RGPD2: variants seen among roughly 807,000 people sequenced by gnomAD.
RGPD2 encodes RANBP2 like and GRIP domain containing 2, also known as RANBP2-like and GRIP domain-containing protein 2.
A neutral mutation model predicts 36.0 loss-of-function variants in RGPD2; 2 were observed. The observed-to-expected ratio is 0.06, with a 90% CI of 0.02 to 0.17. The LOEUF (loss-of-function observed/expected upper bound fraction) is 0.17. Among genes scored for constraint, RGPD2 ranks in the 10% least tolerant of loss-of-function variants. The pLI, the probability that RGPD2 is intolerant of heterozygous loss-of-function variation, is 1.00. For missense variants in RGPD2, 40 were observed against 464.3 expected (o/e 0.09, Z 8.40); for synonymous variants, 19 against 163.8 (o/e 0.12, Z 6.75).
intron 22 of RGPD2, among the ~76,000 whole-genome samples, chr2:87,769,128 C>T (rs1685034571): frequency 2.1e-5 from 2 of 96,244 alleles, no homozygotes; most frequent in African/African-American, 7.5e-5. Flanking sequence ...CCACCACGCC[C>T]AGCTAATTTT....
chr2:87,837,140 C>T, the RGPD2 span, among the ~76,000 whole-genome samples: 2 of 151,352 alleles, frequency 1.3e-5, no homozygotes, highest in African/African-American at 2.4e-5. Context: ...GAGACTTCAA[C>T]ATTCCAGTAA....
chr2:87,824,577 G>A (rs1686529329), intron 1 of RGPD2, among the ~76,000 whole-genome samples: 1 of 151,598 alleles, frequency 6.6e-6, no homozygotes, highest in Non-Finnish European at 1.5e-5. Flanking sequence ...TAACTTTACA[G>A]AATAGCTTCA....
the RGPD2 span, among the ~76,000 whole-genome samples, chr2:87,858,036 G>GAC: frequency 5.4e-4 from 82 of 152,162 alleles, 1 homozygote; most frequent in Admixed American, 1.2e-3. Context: ...CTGCAATATA[G>GAC]ACACACACAC....
At chr2:87,824,786 G>GC (rs1229101526) in intron 1 of RGPD2, among the ~76,000 whole-genome samples, 7 of 16,482 alleles carry the variant, frequency 4.2e-4, no homozygotes, top group African/African-American at 1.1e-3. Flanking sequence ...GGCCGAGGCC[G>GC]AGGCCGAGGC....
At chr2:87,966,689 G>C in the RGPD2 span, among the ~76,000 whole-genome samples, 2 of 151,866 alleles carry the variant, frequency 1.3e-5, no homozygotes, top group Non-Finnish European at 2.9e-5. Context: ...GCACTTCGGA[G>C]GCCAAGGTGG....
chr2:87,824,714 G>GGCCGCCGCCGCCGCC (rs1163205537), intron 1 of RGPD2, among the ~76,000 whole-genome samples: 2 of 78,548 alleles, frequency 2.5e-5, no homozygotes, highest in Non-Finnish European at 4.9e-5. Flanking sequence ...CCGAGGCCGA[G>GGCCGCCGCCGCCGCC]GCCGCCGCCG....
chr2:87,864,917 T>C, the RGPD2 span, among the ~76,000 whole-genome samples: 2 of 152,238 alleles, frequency 1.3e-5, no homozygotes, highest in Non-Finnish European at 2.9e-5. Flanking sequence ...GTTTTCTTCC[T>C]CTTAAAAGAA....
the RGPD2 span, among the ~76,000 whole-genome samples, chr2:87,846,051 A>T: frequency 1.3e-5 from 2 of 151,394 alleles, no homozygotes; most frequent in Non-Finnish European, 1.5e-5. Context: ...TTTTATAAAC[A>T]GTACATTATA....
At chr2:87,830,440 T>G (rs1039152409), upstream of RGPD2, among the ~76,000 whole-genome samples, 31 of 152,158 alleles carry the variant, frequency 2.0e-4, no homozygotes, top group African/African-American at 7.5e-4. Flanking sequence ...AACAAGTCTC[T>G]AGGAAGCTCT....
At chr2:87,876,508 A>C in the RGPD2 span, among the ~76,000 whole-genome samples, 16 of 152,264 alleles carry the variant, frequency 1.1e-4, no homozygotes, top group Non-Finnish European at 1.8e-4. Context: ...TAAGGAGCGG[A>C]TCGCTCAATT....
the RGPD2 span, among the ~76,000 whole-genome samples, chr2:87,882,594 A>G: frequency 1.3e-5 from 2 of 152,232 alleles, no homozygotes; most frequent in Non-Finnish European, 2.9e-5. Flanking sequence ...CTGTAGTTTC[A>G]TATGAATTTT....
intron 6 of RGPD2, among the ~76,000 whole-genome samples, chr2:87,809,530 G>A (rs1342373397): frequency 4.8e-4 from 67 of 139,356 alleles, no homozygotes; most frequent in African/African-American, 1.5e-3. Flanking sequence ...TTAGCCGAGC[G>A]TGGTGGTGGG....
chr2:87,921,360 G>A, the RGPD2 span, among the ~76,000 whole-genome samples: 1 of 152,130 alleles, frequency 6.6e-6, no homozygotes, highest in African/African-American at 2.4e-5. Context: ...GATGAAGTGT[G>A]GTGGCTAGGA....
chr2:87,822,107 T>G (rs1387006281), intron 1 of RGPD2, among the ~76,000 whole-genome samples: 1 of 151,900 alleles, frequency 6.6e-6, no homozygotes, highest in Non-Finnish European at 1.5e-5. Context: ...ATCTGTGGAG[T>G]CCCAACAAGG....
At chr2:87,884,385 G>T in the RGPD2 span, among the ~76,000 whole-genome samples, 2,997 of 151,848 alleles carry the variant, frequency 0.02, 77 homozygotes, top group African/African-American at 0.067. Flanking sequence ...TACATCTTAA[G>T]CAATTAGTAA....
At chr2:87,983,221 G>A in the RGPD2 span, among the ~76,000 whole-genome samples, 1 of 152,216 alleles carries the variant, frequency 6.6e-6, no homozygotes, top group African/African-American at 2.4e-5. Flanking sequence ...TCGGGAGGCT[G>A]AGGCACAAGA....
At chr2:87,958,558 CTGA>C in the RGPD2 span, among the ~76,000 whole-genome samples, 1 of 152,400 alleles carries the variant, frequency 6.6e-6, no homozygotes, top group Admixed American at 6.5e-5. Flanking sequence ...ATTTAAAAAG[CTGA>C]TTTTTGTTTA....
At chr2:87,882,525 T>C in the RGPD2 span, among the ~76,000 whole-genome samples, 1 of 152,242 alleles carries the variant, frequency 6.6e-6, no homozygotes, top group African/African-American at 2.4e-5. Context: ...TGAAATCCCA[T>C]TGTATGATTC....
chr2:87,984,221 G>A, the RGPD2 span, among the ~76,000 whole-genome samples: 1 of 152,076 alleles, frequency 6.6e-6, no homozygotes, highest in Non-Finnish European at 1.5e-5. Context: ...TAAACACTGT[G>A]GTGAAATGGG....
Sources: allele counts gnomAD v4.1 joint callset (sites outside exome capture counted in the v4.1 genomes callset), GRCh38; gene constraint gnomAD v4.1.1; transcripts MANE v1.5; gene names NCBI Gene and HGNC (gene_info 2026-07-23, HGNC 2026-07-21).